SESN1: variants seen among roughly 807,000 people sequenced by gnomAD.
The protein encoded by SESN1 is sestrin-1.
Under a neutral mutation model 59.3 loss-of-function variants are expected in SESN1, and 30 were observed. That is an observed-to-expected ratio of 0.51 (90% CI 0.38 to 0.69). SESN1 has a LOEUF of 0.69. Ranked by LOEUF, SESN1 falls within the 30% of genes least tolerant of loss-of-function variation. The pLI is 0.00. For missense variants in SESN1, 566 were observed against 673.0 expected (o/e 0.84, Z 1.76); for synonymous variants, 197 against 219.9 (o/e 0.90, Z 0.92).
chr6:109,086,132 G>GC (rs1781209874), intron 1 of SESN1, among the ~76,000 whole-genome samples: 1 of 152,170 alleles, frequency 6.6e-6, no homozygotes, highest in Non-Finnish European at 1.5e-5. Flanking sequence ...GCCAAGGCAG[G>GC]CAGATCACTT....
chr6:108,997,770 A>C (rs927015136), intron 5 of SESN1, among the ~76,000 whole-genome samples: 3 of 152,244 alleles, frequency 2.0e-5, no homozygotes, highest in Admixed American at 1.3e-4. Flanking sequence ...TGGCTGTGGT[A>C]CTGCTTCTAA....
chr6:109,020,567 T>C (rs1779994195), intron 1 of SESN1, among the ~76,000 whole-genome samples: 1 of 152,134 alleles, frequency 6.6e-6, no homozygotes, highest in Non-Finnish European at 1.5e-5. Flanking sequence ...ACTGAACAAA[T>C]TGCACAGTGC....
intron 1 of SESN1, chr6:109,009,547 A>G (rs1346093072): frequency 2.0e-6 from 2 of 1,014,548 alleles, no homozygotes; most frequent in Non-Finnish European, 2.3e-6. Flanking sequence ...CTCAGTCAGC[A>G]CGGACGGCGG....
rs149040249 is a variant in SESN1 at position 109,082,172 on chromosome 6, G to C, written c.279+11623C>G. Among the ~76,000 whole-genome samples the C allele has an allele frequency of 1.3e-5, 2 of 152,228 alleles. 1 individual carries two copies. The highest frequency in any genetic ancestry group is 3.9e-4 in the East Asian group (2 of 5,188). On this transcript the variant is annotated intron_variant, in intron 1 of 9. Transcript: ENST00000436639. The stretch of plus-strand genomic sequence containing the variant: ...CTAAAACAATATTTATAAAATCCTT[G>C]TAGTTCCTAGAGGCACTATTTCCCC...
rs1182185267 is a variant in SESN1, at chr6:109,000,543, A to G, written c.677T>C (p.Leu226Pro). The change falls in exon 4 of 10, where the codon CTT (leucine) becomes CCT (proline). Residue 226 changes from leucine to proline, a missense_variant. Physicochemically the swap from Leu to Pro is moderately conservative, Grantham distance 98 (BLOSUM62 -3). Transcript: ENST00000436639. ...APQKLQNLGE[L>P]NKVLAHRPWL... is the part of the protein sequence containing the mutation. The stretch of plus-strand genomic sequence containing the variant: ...AGGTCTATGGGCTAACACTTTGTTA[A>G]GTTCTCCTAAATTCTGTAGTTTTTG... The G allele has an allele frequency of 6.2e-7, 1 of 1,611,156 alleles. No individual in the cohort carries two copies. Among genetic ancestry groups the G allele is most frequent in the Non-Finnish European group, 8.5e-7 (1 of 1,178,422 alleles).
At chr6:109,078,382 A>T (rs1781064698) in intron 1 of SESN1, among the ~76,000 whole-genome samples, 1 of 152,116 alleles carries the variant, frequency 6.6e-6, no homozygotes, top group Admixed American at 6.5e-5. Flanking sequence ...ACACTGTCTC[A>T]AAATAAAATA....
chr6:109,020,745 C>A (rs1210631873), intron 1 of SESN1, among the ~76,000 whole-genome samples: 1 of 152,168 alleles, frequency 6.6e-6, no homozygotes, highest in Non-Finnish European at 1.5e-5. Flanking sequence ...CAGAGCATTA[C>A]CTGCAATATA....
chr6:109,051,947 AG>A (rs950997191), intron 1 of SESN1, among the ~76,000 whole-genome samples: 3 of 152,224 alleles, frequency 2.0e-5, no homozygotes, highest in Non-Finnish European at 2.9e-5. Flanking sequence ...CACCTTTTAA[AG>A]ACCCCACCTC....
chr6:109,080,021 A>T (rs978798183), intron 1 of SESN1, among the ~76,000 whole-genome samples: 1 of 152,200 alleles, frequency 6.6e-6, no homozygotes, highest in Non-Finnish European at 1.5e-5. Flanking sequence ...GGGAGATTTC[A>T]AACATTTATA....
Position 109,094,094 on chromosome 6 carries a change from G to C in SESN1, c.-21C>G. On this transcript the variant is annotated 5_prime_UTR_variant, in exon 1 of 10. Coordinates refer to ENST00000436639, the MANE Select transcript of SESN1 (RefSeq NM_014454.3). The stretch of plus-strand genomic sequence containing the variant: ...GCCATGACAATAGTTTTTCCTTTGC[G>C]GTCTTCAGTTACCTTTCAGCATGCC... 1 of 1,595,948 alleles carries C rather than the reference G, an allele frequency of 6.3e-7. No homozygotes were observed. The highest frequency in any genetic ancestry group is 8.6e-7 in the Non-Finnish European group (1 of 1,168,850).
intron 1 of SESN1, chr6:109,059,544 T>G (rs951707691): frequency 6.6e-6 from 1 of 152,186 alleles, no homozygotes; most frequent in Non-Finnish European, 1.5e-5. Context: ...TGCATGTCAT[T>G]CTTGTGCAGG....
At chr6:109,038,970 G>C (rs1232846251) in intron 1 of SESN1, among the ~76,000 whole-genome samples, 1 of 147,820 alleles carries the variant, frequency 6.8e-6, no homozygotes, top group East Asian at 2.0e-4. Flanking sequence ...GGAGAAGAAG[G>C]AAAAGAAAAA....
At chr6:109,017,411 A>T (rs578059313) in intron 1 of SESN1, among the ~76,000 whole-genome samples, 1 of 151,946 alleles carries the variant, frequency 6.6e-6, no homozygotes, top group African/African-American at 2.4e-5. Flanking sequence ...TCAGCCTCCC[A>T]AGCAGCTGGG....
At position 108,985,790 on chromosome 6, in the gene SESN1, A is replaced by G. The variant is rs1779168436; in HGVS notation, c.*1754T>C. On this transcript the variant is annotated 3_prime_UTR_variant, in exon 10 of 10. Transcript: ENST00000436639. ...TGGGTTCAATTGTATTGCTCTGGTG[A>G]GAGAACTCAGCAGCAGGCAGAAGAG... 6.6e-6 allele frequency among the ~76,000 whole-genome samples: 1 copy of G among 152,198 alleles called. No homozygotes were observed.
intron 1 of SESN1, among the ~76,000 whole-genome samples, chr6:109,036,450 T>A (rs1780249390): frequency 6.6e-6 from 1 of 152,212 alleles, no homozygotes; most frequent in Non-Finnish European, 1.5e-5. Flanking sequence ...CTAATATTGT[T>A]ACACACTTGG....
At position 108,987,217 on chromosome 6, in the gene SESN1, CTTG is replaced by C. The variant is rs1378026046; in HGVS notation, c.*324_*326del. ...GTCCCATTCTTTGCATGCTCCAATT[CTTG>C]TTATCTTATTTAACATAAAAGCAAC... On this transcript the variant is annotated 3_prime_UTR_variant, in exon 10 of 10. Coordinates refer to ENST00000436639, the MANE Select transcript of SESN1 (RefSeq NM_014454.3). 1 of 213,644 alleles carries C rather than the reference CTTG, an allele frequency of 4.7e-6. No individual in the cohort carries two copies. Among genetic ancestry groups the C allele is most frequent in the Admixed American group, 5.8e-5 (1 of 17,222 alleles). The allele number at this position is 213,644 out of a possible 1,614,324, so 13.2% of individuals were successfully genotyped here.
At chr6:109,002,213 T>C in intron 2 of SESN1, 65 bp downstream of exon 2, 2 of 1,395,754 alleles carry the variant, frequency 1.4e-6, no homozygotes, top group Non-Finnish European at 2.0e-6. Flanking sequence ...GATGCCAACA[T>C]GTGGGTCATG....
At chr6:109,078,373 C>G (rs1460750313) in intron 1 of SESN1, among the ~76,000 whole-genome samples, 1 of 152,016 alleles carries the variant, frequency 6.6e-6, no homozygotes, top group Non-Finnish European at 1.5e-5. Flanking sequence ...TGGAGTAAGA[C>G]ACTGTCTCAA....
At chr6:109,038,666 A>G (rs1158092955) in intron 1 of SESN1, among the ~76,000 whole-genome samples, 1 of 152,248 alleles carries the variant, frequency 6.6e-6, no homozygotes, top group Admixed American at 6.5e-5. Flanking sequence ...GGGATGTGGG[A>G]CAGAATTGCC....
Sources: gnomAD v4.1 joint callset for allele counts (sites outside exome capture counted in the v4.1 genomes callset) on GRCh38, gnomAD v4.1.1 for gene constraint, MANE v1.5 for transcripts, NCBI Gene and HGNC (gene_info 2026-07-23, HGNC 2026-07-21) for gene names.